Variants in BLM observed in about 807,000 individuals in gnomAD.
The protein encoded by BLM is recQ-like DNA helicase BLM.
Under a neutral mutation model 135.3 loss-of-function variants are expected in BLM, and 95 were observed. The ratio of observed to expected loss-of-function variants is 0.70; its 90% CI spans 0.59 to 0.83. BLM has a LOEUF of 0.83. BLM is among the 40% of genes least tolerant of loss of function. BLM has a pLI of 0.00. For missense variants in BLM, 1,518 were observed against 1,663.9 expected (o/e 0.91, Z 1.53); for synonymous variants, 520 against 589.2 (o/e 0.88, Z 1.70).
At chr15:90,778,231 T>G (rs1490298618) in intron 12 of BLM, among the ~76,000 whole-genome samples, 2 of 152,252 alleles carry the variant, frequency 1.3e-5, no homozygotes, top group African/African-American at 4.8e-5. Context: ...TGTTCTAATC[T>G]CATGTCATTT....
chr15:90,747,269 A>G (rs1895527707), intron 1 of BLM, 120 bp from the exon 2 acceptor site: 2 of 487,052 alleles, frequency 4.1e-6, no homozygotes, highest in East Asian at 4.3e-5. Flanking sequence ...AAAAAGTCCT[A>G]TTACTCTGGG....
At chr15:90,729,461 A>G (rs1250816447) in intron 1 of BLM, among the ~76,000 whole-genome samples, 3 of 152,090 alleles carry the variant, frequency 2.0e-5, no homozygotes, top group Non-Finnish European at 2.9e-5. Context: ...GGCAGAATCC[A>G]TTTCCTTCCC....
intron 16 of BLM, among the ~76,000 whole-genome samples, chr15:90,797,706 G>A (rs990296716): frequency 6.6e-6 from 1 of 152,052 alleles, no homozygotes; most frequent in African/African-American, 2.4e-5. Context: ...ATCTAGTAAC[G>A]GGGACTCTAA....
intron 1 of BLM, among the ~76,000 whole-genome samples, chr15:90,718,856 G>A (rs6496720): frequency 0.042 from 6,450 of 152,236 alleles, 358 homozygotes; most frequent in African/African-American, 0.12. Context: ...TCCGCTTCAG[G>A]ACAGGTGGTA....
Position 90,749,753 on chromosome 15 carries a change from C to A in BLM, c.485C>A (p.Thr162Asn). The A allele has an allele frequency of 6.2e-7, 1 of 1,613,604 alleles. No homozygotes were observed. Among genetic ancestry groups the A allele is most frequent in the Non-Finnish European group, 8.5e-7 (1 of 1,179,690 alleles). Residue 162 changes from threonine (T) to asparagine (N), a missense_variant, in exon 3 of 22, where the codon ACT becomes AAT. Physicochemically the swap from Thr to Asn is moderately conservative, Grantham distance 65. Transcript: ENST00000355112. Reference protein sequence around the residue: ...NDWDDMDDFDTSETSKSFVTP... With the variant: ...NDWDDMDDFDNSETSKSFVTP... ...TGGGATGATATGGATGACTTTGATA[C>A]TTCTGAGACTTCAAAATCATTTGTT...
intron 14 of BLM, among the ~76,000 whole-genome samples, chr15:90,788,100 G>C (rs1896800291): frequency 6.6e-6 from 1 of 152,086 alleles, no homozygotes. Context: ...GAATGCAAGG[G>C]AAAAAAGAGA....
Position 90,816,056 on chromosome 15 carries a change from G to T in BLM, c.*777G>T, listed in dbSNP as rs2029913263. On this transcript the variant is annotated 3_prime_UTR_variant, in exon 22 of 22. Coordinates refer to ENST00000355112, the MANE Select transcript of BLM (RefSeq NM_000057.4). ...AGATCGTGCCACTGCACTCCAGCCT[G>T]GGTGACAGAGCAAGACTCCGTCTCA... The T allele has an allele frequency of 6.8e-6, 1 of 146,530 alleles. No homozygotes were observed. Among genetic ancestry groups the T allele is most frequent in the Admixed American group, 7.0e-5 (1 of 14,304 alleles). 9.1% of individuals were successfully genotyped at this position (146,530 alleles called of 1,614,324 possible).
chr15:90,786,677 G>C (rs181016298), intron 14 of BLM, among the ~76,000 whole-genome samples: 1 of 151,988 alleles, frequency 6.6e-6, no homozygotes, highest in South Asian at 2.1e-4. Flanking sequence ...GTGCAGTGGC[G>C]CAATCTTGGC....
At chr15:90,786,060 A>G (rs28745033) in intron 14 of BLM, among the ~76,000 whole-genome samples, 3,073 of 144,876 alleles carry the variant, frequency 0.021, 51 homozygotes, top group Non-Finnish European at 0.031. Context: ...CTAGAGTGCA[A>G]TGGCATGATC....
At chr15:90,746,686 A>G (rs1245503085) in intron 1 of BLM, among the ~76,000 whole-genome samples, 1 of 152,224 alleles carries the variant, frequency 6.6e-6, no homozygotes, top group Admixed American at 6.5e-5. Flanking sequence ...GGTTATAACT[A>G]TCAGCTAAAG....
chr15:90,762,178 C>T (rs1336214582), intron 7 of BLM, among the ~76,000 whole-genome samples: 1 of 152,306 alleles, frequency 6.6e-6, no homozygotes, highest in East Asian at 1.9e-4. Flanking sequence ...ACTGCCAGAG[C>T]TCCGTGAGTA....
intron 1 of BLM, among the ~76,000 whole-genome samples, chr15:90,741,426 T>C (rs996695094): frequency 2.6e-5 from 4 of 152,232 alleles, no homozygotes; most frequent in African/African-American, 9.6e-5. Flanking sequence ...TTAGTGTCTT[T>C]AATTAGTCCT....
chr15:90,747,787 GTTTT>G, intron 2 of BLM: 2 of 333,690 alleles, frequency 6.0e-6, no homozygotes, highest in Non-Finnish European at 1.1e-5. Context: ...GTTTTGGGGG[GTTTT>G]TTTGTTTGTT....
intron 15 of BLM, 130 bp from the exon 16 acceptor site, chr15:90,794,037 T>C (rs1414192195): frequency 3.4e-6 from 2 of 582,746 alleles, no homozygotes; most frequent in Non-Finnish European, 5.7e-6. Flanking sequence ...GAATGCCATG[T>C]TGACAATGCT....
At chr15:90,806,768 C>T (rs1897294962) in intron 19 of BLM, among the ~76,000 whole-genome samples, 1 of 152,176 alleles carries the variant, frequency 6.6e-6, no homozygotes, top group South Asian at 2.1e-4. Context: ...ATCTCATAAT[C>T]ATCACCTTCT....
intron 14 of BLM, among the ~76,000 whole-genome samples, chr15:90,790,008 T>G (rs1415155954): frequency 9.5e-5 from 12 of 126,136 alleles, no homozygotes; most frequent in Non-Finnish European, 1.4e-4. Flanking sequence ...TTTTTTTTTT[T>G]TTTTTTTTTT....
chr15:90,804,092 A>C (rs937629599), intron 18 of BLM, 75 bp from the exon 19 acceptor site: 7 of 1,371,226 alleles, frequency 5.1e-6, no homozygotes, highest in Middle Eastern at 2.5e-4. Context: ...AATGCAATTA[A>C]GCATTAAATA....
intron 6 of BLM, 139 bp from the exon 7 acceptor site, chr15:90,760,455 T>C: frequency 8.1e-7 from 1 of 1,231,926 alleles, no homozygotes; most frequent in Non-Finnish European, 1.2e-6. Context: ...AACATTCGTA[T>C]TCATGTTTTT....
At chr15:90,807,530 G>A (rs1418559968) in intron 19 of BLM, among the ~76,000 whole-genome samples, 1 of 152,106 alleles carries the variant, frequency 6.6e-6, no homozygotes, top group Admixed American at 6.5e-5. Context: ...TTCCTGAGTA[G>A]CTGGAACTAC....
Sources: allele counts gnomAD v4.1 joint callset (sites outside exome capture counted in the v4.1 genomes callset), GRCh38; gene constraint gnomAD v4.1.1; transcripts MANE v1.5; gene names NCBI Gene and HGNC (gene_info 2026-07-23, HGNC 2026-07-21).